The following TRMU variants were observed in gnomAD, a reference collection of about 807,000 sequenced individuals.
TRMU encodes tRNA mitochondrial 2-thiouridylase.
TRMU carries 49 observed loss-of-function variants against 46.9 expected under a neutral mutation model. That is an observed-to-expected ratio of 1.05 (90% CI 0.83 to 1.33). The LOEUF is 1.33. TRMU is among the 40% of genes most tolerant of loss of function. The pLI, the probability that TRMU is intolerant of heterozygous loss-of-function variation, is 0.00. For synonymous variants in TRMU, 241 were observed against 200.9 expected (o/e 1.20, Z -1.69); for missense variants, 572 against 532.4 (o/e 1.07, Z -0.73).
chr22:46,352,582 A>G (rs2078465405), intron 7 of TRMU: 2 of 583,228 alleles, frequency 3.4e-6, no homozygotes, highest in Admixed American at 5.9e-5. Context: ...ACTTGGAAGG[A>G]CTATACTCTG....
rs559992833 is a variant in TRMU at position 46,353,928 on chromosome 22, C to T, written c.873+61C>T. ...GGTTCTGGCAGGGCCAGCAGTGCTT[C>T]CAGACCAGGGCTTGAGAAGGCCTCC... On this transcript the variant is annotated intron_variant, in intron 8 of 10. Coordinates refer to ENST00000645190, the MANE Select transcript of TRMU (RefSeq NM_018006.5). 99 of 1,532,130 alleles carry T rather than the reference C, an allele frequency of 6.5e-5. No individual in the cohort carries two copies. The South Asian group carries it at 1.1e-3, about 17-fold the overall frequency. The allele number at this position is 1,532,130 out of a possible 1,614,324, so 94.9% of individuals were successfully genotyped here.
At position 46,353,831 on chromosome 22, in the gene TRMU, G is replaced by A; in HGVS notation, c.837G>A (p.Val279=). 1.2e-6 allele frequency: 2 copies of A among 1,614,008 alleles called. No individual in the cohort carries two copies. Among genetic ancestry groups the A allele is most frequent in the Non-Finnish European group, 1.7e-6 (2 of 1,179,896 alleles). ...NIGGLREPWY[V]VEKDSVKGDV... ...GTGGCCTGAGAGAGCCCTGGTACGT[G>A]GTGGAGAAGGACAGCGTCAAGGGTG... Residue 279 remains valine (V), a synonymous_variant, in exon 8 of 11, where the codon GTG becomes GTA. Transcript: ENST00000645190.
intron 1 of TRMU, 42 bp from the exon 2 acceptor site, chr22:46,337,737 G>A (rs2078015443): frequency 1.9e-6 from 3 of 1,613,116 alleles, no homozygotes; most frequent in East Asian, 4.5e-5. Context: ...TTTACCGAAG[G>A]TTGATTTATG....
In TRMU at chr22:46,338,529, C is replaced by T. The variant is rs2078039501; in HGVS notation, c.248+585C>T. Among the ~76,000 whole-genome samples, 1 of 152,196 alleles carries T rather than the reference C, an allele frequency of 6.6e-6. No homozygotes were observed. ...CACAAGAGGTGACAGTGATGCGTGGCACGCAGGAAGTACCAGTGATGCTAT... is the reference window on the plus strand; with the variant it reads ...CACAAGAGGTGACAGTGATGCGTGGTACGCAGGAAGTACCAGTGATGCTAT... On this transcript the variant is annotated intron_variant, in intron 2 of 10. Coordinates refer to ENST00000645190, the MANE Select transcript of TRMU (RefSeq NM_018006.5). This position sits in a 1 kb window ranked among gnomAD's most constrained non-coding sequence, Gnocchi z 4.5.
Position 46,347,063 on chromosome 22 carries a change from A to G in TRMU, c.478+519A>G, listed in dbSNP as rs896896257. On this transcript the variant is annotated intron_variant, in intron 4 of 10. Coordinates refer to ENST00000645190, the MANE Select transcript of TRMU (RefSeq NM_018006.5). This position sits in a 1 kb window ranked among gnomAD's most constrained non-coding sequence, Gnocchi z 5.0. ...GGAGCCAAGTTTCACCTTTCTAGAA[A>G]AAAGTCAATGGCAGACAGTGAGCTG... Among the ~76,000 whole-genome samples the G allele has an allele frequency of 3.3e-5, 5 of 152,234 alleles. No homozygotes were observed. Among genetic ancestry groups the G allele is most frequent in the Admixed American group, 2.0e-4 (3 of 15,280 alleles).
chr22:46,348,791 G>C lies in TRMU; in HGVS notation c.479-1500G>C, dbSNP rs2078326847. Among the ~76,000 whole-genome samples the C allele has an allele frequency of 6.6e-6, 1 of 152,188 alleles. No individual in the cohort carries two copies. On this transcript the variant is annotated intron_variant, in intron 4 of 10. Coordinates refer to ENST00000645190, the MANE Select transcript of TRMU (RefSeq NM_018006.5). The surrounding 1 kb of genome is among the most constrained non-coding windows in gnomAD (Gnocchi z 4.8). ...AAATGCAAATGGCTCCTAGTTTTCT[G>C]AGGCTTTTACACACATGCAGTGTTT...
At chr22:46,355,891 G>T in intron 9 of TRMU, 99 bp from the exon 10 acceptor site, 2 of 1,391,948 alleles carry the variant, frequency 1.4e-6, no homozygotes, top group East Asian at 2.4e-5. Context: ...CTAAGCAGGG[G>T]TTTTTGACCC....
chr22:46,356,523 C>T, intron 10 of TRMU: 2 of 455,028 alleles, frequency 4.4e-6, no homozygotes, highest in South Asian at 5.4e-5. Context: ...CTGGCTGCCA[C>T]CATGCTCCTT....
chr22:46,338,026 G>C lies in TRMU; in HGVS notation c.248+82G>C. ...GAAGGATCCGGTAACCAGCCAGACCGACGCCTGTGCTGCAGCCCAGCGCTC... is the reference window on the plus strand; with the variant it reads ...GAAGGATCCGGTAACCAGCCAGACCCACGCCTGTGCTGCAGCCCAGCGCTC... On this transcript the variant is annotated intron_variant, in intron 2 of 10. Coordinates refer to ENST00000645190, the MANE Select transcript of TRMU (RefSeq NM_018006.5). This position sits in a 1 kb window ranked among gnomAD's most constrained non-coding sequence, Gnocchi z 4.5. The C allele has an allele frequency of 6.3e-7, 1 of 1,583,904 alleles. No homozygotes were observed. The highest frequency in any genetic ancestry group is 8.7e-7 in the Non-Finnish European group (1 of 1,154,776).
chr22:46,343,237 C>G (rs374433344), intron 2 of TRMU, 25 bp from the exon 3 acceptor site: 1 of 1,434,266 alleles, frequency 7.0e-7, no homozygotes, highest in Admixed American at 1.7e-5. Flanking sequence ...ACACTTGGAA[C>G]TGAAGTCATT....
chr22:46,346,623 C>A, intron 4 of TRMU, 79 bp downstream of exon 4: 2 of 1,502,620 alleles, frequency 1.3e-6, no homozygotes, highest in African/African-American at 2.8e-5. Flanking sequence ...TGGGTTGTGC[C>A]TGAGGATCAC....
chr22:46,344,065 A>T (rs1156509106), intron 3 of TRMU, among the ~76,000 whole-genome samples: 1 of 152,252 alleles, frequency 6.6e-6, no homozygotes, highest in Non-Finnish European at 1.5e-5. Context: ...TTAAATTTCA[A>T]CATTGGGCTA....
At position 46,353,877 on chromosome 22, in the gene TRMU, C is replaced by T; in HGVS notation, c.873+10C>T. The T allele has an allele frequency of 1.2e-6, 2 of 1,612,392 alleles. No homozygotes were observed. On this transcript the variant is annotated intron_variant, in intron 8 of 10. Coordinates refer to ENST00000645190, the MANE Select transcript of TRMU (RefSeq NM_018006.5). ...GGGTGACGTGTTTGTGGTGAGTGGG[C>T]CGGCCTCTGAGACAGCACTGGGGCT...
rs2078265377 is a variant in TRMU, at chr22:46,346,605, A to G, written c.478+61A>G. The G allele has an allele frequency of 1.8e-5, 28 of 1,577,870 alleles. 2 individuals are homozygous for G. The South Asian group carries it at 3.0e-4, about 17-fold the overall frequency. On this transcript the variant is annotated intron_variant, in intron 4 of 10. Coordinates refer to ENST00000645190, the MANE Select transcript of TRMU (RefSeq NM_018006.5). ...GTGAACAGATTGAAATCTTTGGAGG[A>G]ATGACAGTGGGTTGTGCCTGAGGAT...
chr22:46,356,277 C>A, intron 10 of TRMU: 1 of 599,584 alleles, frequency 1.7e-6, no homozygotes, highest in Non-Finnish European at 3.0e-6. Context: ...CTGGTGTCAC[C>A]AACCAGCCAG....
intron 3 of TRMU, among the ~76,000 whole-genome samples, chr22:46,345,763 CTTT>C (rs561435289): frequency 1.4e-5 from 2 of 139,270 alleles, no homozygotes; most frequent in African/African-American, 2.6e-5. Context: ...CATTTTGGTT[CTTT>C]TTTTTTTTTT....
chr22:46,354,681 G>A (rs147010604), intron 8 of TRMU: 1 of 152,702 alleles, frequency 6.5e-6, no homozygotes, highest in East Asian at 1.9e-4. Context: ...GAAAAGCCTG[G>A]CTGCGAATGA....
In TRMU at chr22:46,336,287, G is replaced by A; in HGVS notation, c.82+441G>A. The stretch of plus-strand genomic sequence containing the variant: ...GGGAGGTCCTTGTCCTCCCCACTCA[G>A]CAGACTGGACAACTGCCGCGCGGCG... On this transcript the variant is annotated intron_variant, in intron 1 of 10. Transcript: ENST00000645190. The surrounding 1 kb of genome is among the most constrained non-coding windows in gnomAD (Gnocchi z 4.1). 1 of 323,084 alleles carries A rather than the reference G, an allele frequency of 3.1e-6. No homozygotes were observed. Among genetic ancestry groups the A allele is most frequent in the South Asian group, 8.8e-5 (1 of 11,380 alleles). The allele number at this position is 323,084 out of a possible 1,614,324, so 20.0% of individuals were successfully genotyped here. A position where few individuals can be genotyped will look rare whatever the true frequency, so the allele number is the denominator to read the frequency against.
In TRMU at chr22:46,338,305, G is replaced by C. The variant is rs1326373741; in HGVS notation, c.248+361G>C. On this transcript the variant is annotated intron_variant, in intron 2 of 10. Coordinates refer to ENST00000645190, the MANE Select transcript of TRMU (RefSeq NM_018006.5). This position sits in a 1 kb window ranked among gnomAD's most constrained non-coding sequence, Gnocchi z 4.5. ...TGTGTGCTATGTGGGTCAGCGATTA[G>C]GGGATTTCTGAGAAAGAGGTGATAC... The C allele has an allele frequency of 6.6e-6, 2 of 301,910 alleles. No individual in the cohort carries two copies. The highest frequency in any genetic ancestry group is 4.3e-5 in the African/African-American group (2 of 46,900). The allele number at this position is 301,910 out of a possible 1,614,324, so 18.7% of individuals were successfully genotyped here.
Sources: gnomAD v4.1 joint callset for allele counts (sites outside exome capture counted in the v4.1 genomes callset) on GRCh38, gnomAD v4.1.1 for gene constraint, Gnocchi (gnomAD v3.1) non-coding constraint, MANE v1.5 for transcripts, NCBI Gene and HGNC (gene_info 2026-07-23, HGNC 2026-07-21) for gene names.